The following TCF12 variants were observed in gnomAD, a reference collection of about 807,000 sequenced individuals.
The protein encoded by TCF12 is DNA-binding protein HTF4.
Under a neutral mutation model 86.0 loss-of-function variants are expected in TCF12, and 45 were observed. The observed-to-expected ratio is 0.52, with a 90% CI of 0.41 to 0.67. TCF12 has a LOEUF of 0.67. TCF12 is among the 30% of genes least tolerant of loss of function. The pLI, the probability that TCF12 is intolerant of heterozygous loss-of-function variation, is 0.00. For missense variants in TCF12, 881 were observed against 859.9 expected (o/e 1.02, Z -0.31); for synonymous variants, 330 against 299.6 (o/e 1.10, Z -1.05).
In TCF12 at chr15:57,282,609, G is replaced by A. The variant is rs1013699952; in HGVS notation, c.*11+11G>A. 6 of 1,600,260 alleles carry A rather than the reference G, an allele frequency of 3.7e-6. No homozygotes were observed. The highest frequency in any genetic ancestry group is 3.5e-5 in the Admixed American group (2 of 56,464). ...GTAAACATCAGCCAGGTAAGTACGG[G>A]TTTGAAAAGAAACAGCAAGGAAATA... On this transcript the variant is annotated intron_variant, in intron 20 of 20. Transcript: ENST00000333725.
At chr15:57,178,096 A>G (rs1388436377) in intron 6 of TCF12, among the ~76,000 whole-genome samples, 2 of 152,216 alleles carry the variant, frequency 1.3e-5, no homozygotes, top group Non-Finnish European at 2.9e-5. Flanking sequence ...TGCCATCTCA[A>G]AACAGAAAAA....
intron 8 of TCF12, among the ~76,000 whole-genome samples, chr15:57,230,570 T>C (rs1370843574): frequency 2.0e-5 from 3 of 152,076 alleles, no homozygotes; most frequent in African/African-American, 4.8e-5. Context: ...TCTTAAAGCT[T>C]TGCCAGACTT....
intron 8 of TCF12, among the ~76,000 whole-genome samples, chr15:57,205,107 G>C (rs2057747208): frequency 2.6e-5 from 4 of 152,036 alleles, no homozygotes; most frequent in Admixed American, 2.6e-4. Context: ...GAGCCCAGGA[G>C]TTCGAGATCT....
chr15:57,219,522 A>G, intron 8 of TCF12: 1 of 1,611,808 alleles, frequency 6.2e-7, no homozygotes, highest in Middle Eastern at 1.7e-4. Flanking sequence ...CAAAATCAAC[A>G]TGTATTGTGC....
In TCF12 at chr15:57,289,250, T is replaced by C. The variant is rs1205375975; in HGVS notation, c.*3105T>C. ...TGGGATTTAGTGAAAACTATTAAACTTGTTAAGTTGATTTTATACAAAACG... is the reference window on the plus strand; with the variant it reads ...TGGGATTTAGTGAAAACTATTAAACCTGTTAAGTTGATTTTATACAAAACG... On this transcript the variant is annotated 3_prime_UTR_variant, in exon 21 of 21. Transcript: ENST00000333725. 1 of 152,178 alleles carries C rather than the reference T, an allele frequency of 6.6e-6. No individual in the cohort carries two copies. Among genetic ancestry groups the C allele is most frequent in the Non-Finnish European group, 1.5e-5 (1 of 68,028 alleles). 9.4% of individuals were successfully genotyped at this position (152,178 alleles called of 1,614,324 possible).
intron 3 of TCF12, among the ~76,000 whole-genome samples, chr15:57,053,163 A>T (rs2067758835): frequency 6.6e-6 from 1 of 152,180 alleles, no homozygotes. Flanking sequence ...TTGCCATTCT[A>T]ACAGGTATGA....
At chr15:57,097,309 C>T (rs1347393638) in intron 5 of TCF12, among the ~76,000 whole-genome samples, 2 of 151,922 alleles carry the variant, frequency 1.3e-5, no homozygotes, top group Non-Finnish European at 2.9e-5. Context: ...AGGAGGATTG[C>T]TTGAGCCCAG....
chr15:57,197,755 A>G lies in TCF12; in HGVS notation c.527-18A>G, dbSNP rs752247342. 4.3e-6 allele frequency: 7 copies of G among 1,613,276 alleles called. No individual in the cohort carries two copies. Among genetic ancestry groups the G allele is most frequent in the Non-Finnish European group, 5.9e-6 (7 of 1,179,762 alleles). ...CTGGTATATTATGCTGAAGAAATGT[A>G]TTGTTTTCCATCTGCAGATCCCTTG... On this transcript the variant is annotated intron_variant, in intron 7 of 20. Transcript: ENST00000333725.
At chr15:57,225,448 T>A (rs1322498936) in intron 8 of TCF12, among the ~76,000 whole-genome samples, 1 of 151,944 alleles carries the variant, frequency 6.6e-6, no homozygotes, top group African/African-American at 2.4e-5. Context: ...GGTTTCACTG[T>A]GTTATCCAGG....
chr15:57,163,138 C>G (rs1436420892), intron 5 of TCF12, among the ~76,000 whole-genome samples: 1 of 151,598 alleles, frequency 6.6e-6, no homozygotes. Context: ...CATGCCATTG[C>G]ACTCCAGCCT....
intron 20 of TCF12, among the ~76,000 whole-genome samples, chr15:57,283,123 A>G (rs2061771896): frequency 1.3e-5 from 2 of 152,206 alleles, no homozygotes; most frequent in Admixed American, 1.3e-4. Flanking sequence ...AACACCCTCT[A>G]GAATCTATTA....
intron 3 of TCF12, among the ~76,000 whole-genome samples, chr15:57,052,681 C>T (rs1230520168): frequency 6.6e-6 from 1 of 151,418 alleles, no homozygotes; most frequent in Non-Finnish European, 1.5e-5. Context: ...ATATCTGCTA[C>T]TAGAAAACTT....
chr15:57,138,581 C>CAT (rs1262486722), intron 5 of TCF12, among the ~76,000 whole-genome samples: 3 of 152,140 alleles, frequency 2.0e-5, no homozygotes, highest in Non-Finnish European at 4.4e-5. Flanking sequence ...AGGGGTAATT[C>CAT]ATATATTCCA....
rs184564219 is a variant in TCF12 at position 57,035,911 on chromosome 15, C to T, written c.149-27839C>T. Reference sequence around the variant, plus strand: ...TGAGCTCCACCTCCCAGATCAGCAGCGGCATTAGATTCTCATAGGAACCAA... The same window carrying T: ...TGAGCTCCACCTCCCAGATCAGCAGTGGCATTAGATTCTCATAGGAACCAA... On this transcript the variant is annotated intron_variant, in intron 3 of 20. Transcript: ENST00000333725. 7.6e-4 allele frequency among the ~76,000 whole-genome samples: 115 copies of T among 152,244 alleles called. 1 individual carries two copies. Among genetic ancestry groups the T allele is most frequent in the Admixed American group, 5.6e-3 (85 of 15,306 alleles).
chr15:57,218,566 G>A (rs1040845812), intron 8 of TCF12, among the ~76,000 whole-genome samples: 3 of 152,050 alleles, frequency 2.0e-5, no homozygotes, highest in African/African-American at 7.2e-5. Flanking sequence ...AATATACAAA[G>A]TATTAAGAAC....
intron 3 of TCF12, among the ~76,000 whole-genome samples, chr15:57,050,764 C>T (rs1297313561): frequency 6.6e-6 from 1 of 152,018 alleles, no homozygotes; most frequent in African/African-American, 2.4e-5. Context: ...TTCAGTTTTA[C>T]TTACCATTTC....
At chr15:57,050,711 A>AT (rs1415383495) in intron 3 of TCF12, among the ~76,000 whole-genome samples, 2 of 151,766 alleles carry the variant, frequency 1.3e-5, no homozygotes, top group African/African-American at 4.8e-5. Context: ...TTTTTTCATT[A>AT]TTTTTTGTGC....
intron 17 of TCF12, among the ~76,000 whole-genome samples, chr15:57,262,856 A>T (rs922423304): frequency 6.6e-6 from 1 of 152,220 alleles, no homozygotes; most frequent in African/African-American, 2.4e-5. Flanking sequence ...TTTGTTAAAT[A>T]GTGCCTGAAA....
chr15:57,087,625 G>A (rs2733193), intron 4 of TCF12, among the ~76,000 whole-genome samples: 2,003 of 152,048 alleles, frequency 0.013, 49 homozygotes, highest in African/African-American at 0.046. Flanking sequence ...GAAGTATTAT[G>A]CATTCATAGA....
Sources: gnomAD v4.1 joint callset for allele counts (sites outside exome capture counted in the v4.1 genomes callset) on GRCh38, gnomAD v4.1.1 for gene constraint, MANE v1.5 for transcripts, NCBI Gene and HGNC (gene_info 2026-07-23, HGNC 2026-07-21) for gene names.